Variants in RELN observed in about 807,000 individuals in gnomAD.
RELN encodes the protein reelin.
RELN carries 108 observed loss-of-function variants against 427.6 expected under a neutral mutation model. The ratio of observed to expected loss-of-function variants is 0.25; its 90% CI spans 0.22 to 0.30. RELN has a LOEUF of 0.30. RELN is among the 10% of genes least tolerant of loss of function. The pLI is 1.00. For missense variants in RELN, 3,715 were observed against 4,302.8 expected (o/e 0.86, Z 3.82); for synonymous variants, 1,524 against 1,513.4 (o/e 1.01, Z -0.16).
intron 2 of RELN, among the ~76,000 whole-genome samples, chr7:103,895,058 C>T (rs1178777858): frequency 6.6e-6 from 1 of 152,042 alleles, no homozygotes; most frequent in Non-Finnish European, 1.5e-5. Flanking sequence ...GGCACCAACT[C>T]GTCAGTTAAT....
chr7:103,875,339 A>G (rs1176197045), intron 2 of RELN, among the ~76,000 whole-genome samples: 2 of 151,572 alleles, frequency 1.3e-5, no homozygotes, highest in Non-Finnish European at 2.9e-5. Context: ...AATGGCAACA[A>G]AAGCCAAAAT....
intron 2 of RELN, among the ~76,000 whole-genome samples, chr7:103,863,765 C>G (rs1159577203): frequency 6.6e-6 from 1 of 151,950 alleles, no homozygotes; most frequent in Non-Finnish European, 1.5e-5. Flanking sequence ...CACTCCAAGA[C>G]CATACGATGG....
At chr7:103,987,074 CAAA>C (rs67498168) in intron 1 of RELN, among the ~76,000 whole-genome samples, 4 of 119,056 alleles carry the variant, frequency 3.4e-5, no homozygotes, top group South Asian at 2.9e-4. Flanking sequence ...GAACATTTTA[CAAA>C]AAAAAAAAAA....
intron 58 of RELN, 95 bp downstream of exon 58, chr7:103,491,844 TCTCTCTCTCTCTCA>T (rs1295361726): frequency 1.9e-5 from 12 of 628,090 alleles, no homozygotes; most frequent in African/African-American, 9.9e-5. Context: ...TCTCTCTCTC[TCTCTCTCTCTCTCA>T]CACACACACA....
chr7:103,489,672 T>C lies in RELN; in HGVS notation c.9763+70A>G, dbSNP rs894011234. 24 of 1,553,340 alleles carry C rather than the reference T, an allele frequency of 1.5e-5. No homozygotes were observed. The African/African-American group carries it at 1.9e-4, about 12-fold the overall frequency. ...TTTCTATCCATTTCCTAGTGGACTT[T>C]TGTATATATGTTAAGATGAGGAGAA... is the stretch of plus-strand genomic sequence containing the variant. On this transcript the variant is annotated intron_variant, in intron 60 of 64. Coordinates refer to ENST00000428762, the MANE Select transcript of RELN (RefSeq NM_005045.4).
At chr7:103,854,490 G>A (rs548639252) in intron 2 of RELN, among the ~76,000 whole-genome samples, 3 of 152,164 alleles carry the variant, frequency 2.0e-5, no homozygotes, top group African/African-American at 4.8e-5. Context: ...ATATAATAAA[G>A]TACACAAAAT....
chr7:103,531,421 TGTCTGGAGCAGAGCGTGATGTA>T (rs1344661225), intron 46 of RELN, among the ~76,000 whole-genome samples: 5 of 152,208 alleles, frequency 3.3e-5, no homozygotes, highest in Non-Finnish European at 7.3e-5. Flanking sequence ...AACATAGCAA[TGTCTGGAGCAGAGCGTGATGTA>T]GTCTGGAGCA....
At chr7:103,628,035 C>T (rs1431920006) in intron 20 of RELN, 1 of 152,080 alleles carries the variant, frequency 6.6e-6, no homozygotes, top group African/African-American at 2.4e-5. Flanking sequence ...TGATATGATT[C>T]TTTGTTATAT....
At chr7:103,482,311 G>T (rs1160560004) in intron 63 of RELN, 2 of 162,516 alleles carry the variant, frequency 1.2e-5, no homozygotes, top group Admixed American at 1.2e-4. Context: ...CTCTGTGAGG[G>T]AACAGTCAAC....
intron 1 of RELN, among the ~76,000 whole-genome samples, chr7:103,950,545 A>G (rs1796311701): frequency 6.6e-6 from 1 of 152,216 alleles, no homozygotes; most frequent in Admixed American, 6.5e-5. Context: ...ATGTGCCCAT[A>G]TTTATGCAAA....
rs763612830 is a variant in RELN at position 103,682,082 on chromosome 7, T to C, written c.1289+34A>G. 3 of 1,595,134 alleles carry C rather than the reference T, an allele frequency of 1.9e-6. No individual in the cohort carries two copies. The African/African-American group carries it at 4.0e-5, about 21-fold the overall frequency. On this transcript the variant is annotated intron_variant, in intron 11 of 64. Transcript: ENST00000428762. ...CGTCCAGTAGAATAAATGTAAGTGCTACATACACAGCATGGGAGATAGCAA... is the reference window on the plus strand; with the variant it reads ...CGTCCAGTAGAATAAATGTAAGTGCCACATACACAGCATGGGAGATAGCAA...
At chr7:103,649,199 T>C (rs1240070244) in intron 16 of RELN, among the ~76,000 whole-genome samples, 1 of 152,046 alleles carries the variant, frequency 6.6e-6, no homozygotes, top group Non-Finnish European at 1.5e-5. Flanking sequence ...TGTTCATTAA[T>C]GGATGATTAA....
chr7:103,970,228 C>T lies in RELN; in HGVS notation c.226+18903G>A, dbSNP rs1018279692. Among the ~76,000 whole-genome samples, 7 of 150,570 alleles carry T rather than the reference C, an allele frequency of 4.6e-5. No individual in the cohort carries two copies. In the East Asian group the frequency reaches 7.9e-4, roughly 17 times the overall value. On this transcript the variant is annotated intron_variant, in intron 1 of 64. Transcript: ENST00000428762. The stretch of plus-strand genomic sequence containing the variant: ...TGTGATCTCGGCTCATGGCAACCTC[C>T]GCCTCCAGGGTTCAAGAGCTTCTCC...
chr7:103,839,687 C>G lies in RELN; in HGVS notation c.338-6015G>C, dbSNP rs888628975. Among the ~76,000 whole-genome samples the G allele has an allele frequency of 3.3e-5, 5 of 152,094 alleles. No homozygotes were observed. The South Asian group carries it at 1.0e-3, about 32-fold the overall frequency. Reference sequence around the variant, plus strand: ...TATTAATAAGGACAATTATAATAATCACAACTAATGCTTATTAGGCACTTA... The same window carrying G: ...TATTAATAAGGACAATTATAATAATGACAACTAATGCTTATTAGGCACTTA... On this transcript the variant is annotated intron_variant, in intron 2 of 64. Transcript: ENST00000428762.
Position 103,667,560 on chromosome 7 carries a change from T to C in RELN, c.1290-6033A>G, listed in dbSNP as rs368335545. Reference sequence around the variant, plus strand: ...AAATAAATATAATGTTTATTAGCCATAATTTCTTCATCCAAAGCTTATATA... The same window carrying C: ...AAATAAATATAATGTTTATTAGCCACAATTTCTTCATCCAAAGCTTATATA... On this transcript the variant is annotated intron_variant, in intron 11 of 64. Transcript: ENST00000428762. Among the ~76,000 whole-genome samples, 36 of 152,308 alleles carry C rather than the reference T, an allele frequency of 2.4e-4. 1 individual carries two copies. The highest frequency in any genetic ancestry group is 8.2e-4 in the African/African-American group (34 of 41,574).
chr7:103,879,453 A>G (rs1794557695), intron 2 of RELN, among the ~76,000 whole-genome samples: 1 of 152,206 alleles, frequency 6.6e-6, no homozygotes, highest in Non-Finnish European at 1.5e-5. Flanking sequence ...ATTGCCTACC[A>G]CAGTGAGGGA....
At chr7:103,535,247 GC>G (rs1584271887) in intron 46 of RELN, 68 bp downstream of exon 46, 2 of 1,428,298 alleles carry the variant, frequency 1.4e-6, no homozygotes, top group East Asian at 4.6e-5. Flanking sequence ...AACTTGACAT[GC>G]CAAATGTTAT....
chr7:103,938,703 A>G (rs1274288953), intron 1 of RELN, among the ~76,000 whole-genome samples: 1 of 152,224 alleles, frequency 6.6e-6, no homozygotes, highest in Non-Finnish European at 1.5e-5. Flanking sequence ...CCTCTTGAAT[A>G]AATGAGTCAC....
intron 20 of RELN, chr7:103,628,293 T>C (rs1000712194): frequency 2.0e-5 from 3 of 152,142 alleles, no homozygotes; most frequent in Admixed American, 6.6e-5. Context: ...AGAAAATGTG[T>C]CGTTTGAGCC....
Sources: gnomAD v4.1 joint callset for allele counts (sites outside exome capture counted in the v4.1 genomes callset) on GRCh38, gnomAD v4.1.1 for gene constraint, MANE v1.5 for transcripts, NCBI Gene and HGNC (gene_info 2026-07-23, HGNC 2026-07-21) for gene names.